The following ATP10B variants were observed in gnomAD, a reference collection of about 807,000 sequenced individuals.
ATP10B encodes the protein ATPase phospholipid transporting 10B (putative).
Under a neutral mutation model 141.2 loss-of-function variants are expected in ATP10B, and 122 were observed. The observed-to-expected ratio is 0.86, with a 90% CI of 0.75 to 1.00. The LOEUF (loss-of-function observed/expected upper bound fraction) is 1.00. ATP10B is among the 50% of genes least tolerant of loss of function. ATP10B has a pLI of 0.00. For missense variants in ATP10B, 1,876 were observed against 1,825.3 expected (o/e 1.03, Z -0.51); for synonymous variants, 685 against 692.0 (o/e 0.99, Z 0.16).
intron 9 of ATP10B, among the ~76,000 whole-genome samples, chr5:160,641,927 G>A (rs568790821): frequency 6.6e-6 from 1 of 152,308 alleles, no homozygotes; most frequent in Non-Finnish European, 1.5e-5. Context: ...TTGTGAGCAG[G>A]GGTTCCAGCA....
At chr5:160,695,572 G>C (rs1561764042) in intron 3 of ATP10B, among the ~76,000 whole-genome samples, 1 of 151,988 alleles carries the variant, frequency 6.6e-6, no homozygotes, top group African/African-American at 2.4e-5. Context: ...AGCCATAGTT[G>C]CAAGTCTTCT....
chr5:160,716,686 G>T (rs538196630), intron 3 of ATP10B, among the ~76,000 whole-genome samples: 21 of 152,268 alleles, frequency 1.4e-4, no homozygotes, highest in Non-Finnish European at 1.8e-4. Context: ...CAAGGTAGAG[G>T]TTTCTTTATG....
At chr5:160,608,385 A>C (rs1036477126) in intron 18 of ATP10B, among the ~76,000 whole-genome samples, 4 of 152,240 alleles carry the variant, frequency 2.6e-5, no homozygotes, top group African/African-American at 9.6e-5. Context: ...TGCCGCAATA[A>C]ACATATATAT....
intron 3 of ATP10B, among the ~76,000 whole-genome samples, chr5:160,704,430 A>T (rs375820061): frequency 4.4e-4 from 67 of 152,274 alleles, no homozygotes; most frequent in African/African-American, 1.6e-3. Context: ...GGCCTAAAAT[A>T]TTCAGTAAAC....
chr5:160,823,837 AAAAC>A (rs956023333), intron 1 of ATP10B, among the ~76,000 whole-genome samples: 4 of 152,124 alleles, frequency 2.6e-5, no homozygotes, highest in East Asian at 1.9e-4. Context: ...CCGTCTCCAA[AAAAC>A]AAACAAAATA....
chr5:160,761,074 A>T (rs1768995531), intron 2 of ATP10B, among the ~76,000 whole-genome samples: 1 of 152,138 alleles, frequency 6.6e-6, no homozygotes, highest in African/African-American at 2.4e-5. Flanking sequence ...GTACACTCTT[A>T]AAAGTACTTT....
intron 17 of ATP10B, chr5:160,614,008 G>A (rs1757866297): frequency 6.6e-6 from 1 of 151,958 alleles, no homozygotes; most frequent in African/African-American, 2.4e-5. Flanking sequence ...GAGACAGCAT[G>A]AAGGCATTAC....
chr5:160,634,451 C>T lies in ATP10B; in HGVS notation c.1284G>A (p.Gln428=). 6.2e-7 allele frequency: 1 copy of T among 1,614,182 alleles called. No homozygotes were observed. The highest frequency in any genetic ancestry group is 8.5e-7 in the Non-Finnish European group (1 of 1,180,030). The change falls in exon 12 of 26, where the codon CAG becomes CAA. Residue 428 remains glutamine, a synonymous_variant. Coordinates refer to ENST00000327245, the MANE Select transcript of ATP10B (RefSeq NM_025153.3). ...TCCCCGTCTTATCGGAGAAGATGTA[C>T]TGGATCTGGCCCAAGTCCTCTGCGA... The part of the protein sequence containing the change: ...LNIAEDLGQI[Q]YIFSDKTGTL...
At chr5:160,847,486 T>C (rs1421512463) in intron 1 of ATP10B, among the ~76,000 whole-genome samples, 1 of 152,170 alleles carries the variant, frequency 6.6e-6, no homozygotes, top group African/African-American at 2.4e-5. Context: ...CAGTTAGAAC[T>C]GTCCCCTGGA....
rs1158573730 is a variant in ATP10B at position 160,640,508 on chromosome 5, A to G, written c.953T>C (p.Phe318Ser). 6.2e-7 allele frequency: 1 copy of G among 1,613,998 alleles called. No homozygotes were observed. Among genetic ancestry groups the G allele is most frequent in the East Asian group, 2.2e-5 (1 of 44,888 alleles). Residue 318 changes from phenylalanine (F) to serine (S), a missense_variant, in exon 10 of 26, where the codon TTC becomes TCC. Transcript: ENST00000327245. ...GAGGATGAGGATCCCAATGCAGAAG[A>G]AGATGTCTATATTCATGCGCCGCTC... ...KIERRMNIDI[F>S]FCIGILILMC...
rs1756138335 is a variant in ATP10B, at chr5:160,589,593, CA to C, written c.3748del (p.Trp1250GlyfsTer14). The C allele has an allele frequency of 6.2e-7, 1 of 1,612,242 alleles. No individual in the cohort carries two copies. Reference protein sequence around the residue: ...LLHQAMEMKTWTIFHGVVLLG... With the variant: ...LLHQAMEMKTXTIFHGVVLLG... ...CCAAAGGGGCTCTGGGACACTTACC[CA>C]TGTCTTCATTTCCATTGCCTGGTGC... is the stretch of plus-strand genomic sequence containing the variant. On this transcript the variant is annotated frameshift_variant and splice_region_variant, in exon 24 of 26. Transcript: ENST00000327245. LOFTEE classifies it high-confidence loss of function.
chr5:160,877,065 C>T, the ATP10B span, among the ~76,000 whole-genome samples: 1 of 152,048 alleles, frequency 6.6e-6, no homozygotes, highest in Admixed American at 6.6e-5. Context: ...ATACCAAAGC[C>T]GGACAGAGAC....
intron 2 of ATP10B, among the ~76,000 whole-genome samples, chr5:160,717,463 G>A (rs1017181391): frequency 6.6e-5 from 10 of 152,122 alleles, no homozygotes; most frequent in African/African-American, 1.9e-4. Flanking sequence ...CTGAATCCCT[G>A]AGAACTGCCT....
At chr5:160,597,972 G>A (rs1383214829) in intron 22 of ATP10B, among the ~76,000 whole-genome samples, 2 of 147,120 alleles carry the variant, frequency 1.4e-5, no homozygotes, top group Admixed American at 1.4e-4. Flanking sequence ...CAACCATTGT[G>A]GAAGTCAGTG....
chr5:160,767,635 A>AACCCC (rs1554113840), intron 2 of ATP10B, among the ~76,000 whole-genome samples: 2 of 86,664 alleles, frequency 2.3e-5, no homozygotes, highest in Admixed American at 1.6e-4. Flanking sequence ...TGTGTGCAGA[A>AACCCC]CCCCCCCCCC....
intron 1 of ATP10B, among the ~76,000 whole-genome samples, chr5:160,839,017 C>T (rs2127984793): frequency 6.6e-6 from 1 of 152,270 alleles, no homozygotes; most frequent in African/African-American, 2.4e-5. Context: ...TTGCCTTCCA[C>T]CATAACTGTA....
At chr5:160,725,209 G>C (rs1436990499) in intron 2 of ATP10B, among the ~76,000 whole-genome samples, 1 of 152,182 alleles carries the variant, frequency 6.6e-6, no homozygotes, top group African/African-American at 2.4e-5. Flanking sequence ...ATACTTACAG[G>C]GGAAGAACAG....
At chr5:160,572,049 C>T (rs1754907295) in intron 24 of ATP10B, among the ~76,000 whole-genome samples, 1 of 152,180 alleles carries the variant, frequency 6.6e-6, no homozygotes, top group Non-Finnish European at 1.5e-5. Flanking sequence ...TCAATCAAGT[C>T]TGCCAAAACA....
intron 1 of ATP10B, among the ~76,000 whole-genome samples, chr5:160,795,632 G>A (rs1771891288): frequency 1.3e-5 from 2 of 151,626 alleles, no homozygotes; most frequent in Admixed American, 1.3e-4. Context: ...AGGCTTTTGA[G>A]TTGAGAGGAT....
Sources: gnomAD v4.1 joint callset for allele counts (sites outside exome capture counted in the v4.1 genomes callset) on GRCh38, gnomAD v4.1.1 for gene constraint, MANE v1.5 for transcripts, NCBI Gene and HGNC (gene_info 2026-07-23, HGNC 2026-07-21) for gene names.